The following NALF1 variants were observed in gnomAD, a reference collection of about 807,000 sequenced individuals.
NALF1 encodes family with sequence similarity 155 member A.
Under a neutral mutation model 48.4 loss-of-function variants are expected in NALF1, and 3 were observed. The observed-to-expected ratio is 0.06, with a 90% confidence interval of 0.03 to 0.16. The LOEUF is 0.16. Among genes scored for constraint, NALF1 ranks in the 10% least tolerant of loss-of-function variants. The probability of loss-of-function intolerance (pLI) is 1.00; values close to 1 mark genes in which losing one functional copy is unlikely to be tolerated. For missense variants in NALF1, 526 were observed against 571.5 expected (o/e 0.92, Z 0.81); for synonymous variants, 262 against 245.7 (o/e 1.07, Z -0.62).
At chr13:107,216,546 T>C (rs981940200) in intron 1 of NALF1, among the ~76,000 whole-genome samples, 1 of 152,172 alleles carries the variant, frequency 6.6e-6, no homozygotes, top group Non-Finnish European at 1.5e-5. Context: ...CCCCTTGCCT[T>C]CTAGGGCTTT....
intron 1 of NALF1, among the ~76,000 whole-genome samples, chr13:107,390,032 G>A (rs1026647189): frequency 6.6e-6 from 1 of 151,938 alleles, no homozygotes; most frequent in Non-Finnish European, 1.5e-5. Flanking sequence ...CAATTTCTAG[G>A]TGAAGTTAAT....
intron 1 of NALF1, among the ~76,000 whole-genome samples, chr13:107,389,848 T>C (rs1235435442): frequency 1.3e-5 from 2 of 152,168 alleles, no homozygotes; most frequent in Admixed American, 1.3e-4. Context: ...ATTTATAATA[T>C]ATACGTAATT....
chr13:107,185,258 G>T (rs896887101), intron 2 of NALF1, among the ~76,000 whole-genome samples: 1 of 152,084 alleles, frequency 6.6e-6, no homozygotes, highest in Non-Finnish European at 1.5e-5. Flanking sequence ...ATGTCTACTT[G>T]GTTAATCTAT....
intron 1 of NALF1, among the ~76,000 whole-genome samples, chr13:107,818,824 A>G: frequency 7.8e-6 from 1 of 128,580 alleles, no homozygotes; most frequent in Non-Finnish European, 1.6e-5. Flanking sequence ...GTGAGCCGAG[A>G]TCGCGCCACT....
chr13:107,525,069 C>A (rs552826624), intron 1 of NALF1, among the ~76,000 whole-genome samples: 6 of 152,008 alleles, frequency 3.9e-5, no homozygotes, highest in Non-Finnish European at 5.9e-5. Context: ...GTAGAAAATC[C>A]GGCAAATCTC....
intron 2 of NALF1, among the ~76,000 whole-genome samples, chr13:107,173,983 T>G (rs1030566794): frequency 4.6e-5 from 7 of 152,204 alleles, no homozygotes; most frequent in Non-Finnish European, 1.0e-4. Context: ...TTCACTGAAT[T>G]TTGCTTTTTT....
intron 1 of NALF1, among the ~76,000 whole-genome samples, chr13:107,576,513 T>G (rs142506501): frequency 4.6e-5 from 7 of 152,344 alleles, no homozygotes; most frequent in Non-Finnish European, 1.0e-4. Flanking sequence ...GAGTCCATTC[T>G]GTAGAGAAAA....
chr13:107,481,418 C>T (rs1010056750), intron 1 of NALF1, among the ~76,000 whole-genome samples: 7 of 152,180 alleles, frequency 4.6e-5, no homozygotes, highest in Non-Finnish European at 7.4e-5. Flanking sequence ...CCCTTTCAAA[C>T]TCAAATGAAA....
At chr13:107,861,645 G>A (rs1024097066) in intron 1 of NALF1, among the ~76,000 whole-genome samples, 12 of 152,118 alleles carry the variant, frequency 7.9e-5, no homozygotes, top group South Asian at 2.1e-4. Flanking sequence ...TTAGCTAGGC[G>A]TGGTGGCGCG....
intron 1 of NALF1, among the ~76,000 whole-genome samples, chr13:107,341,910 C>A (rs1055000673): frequency 6.7e-6 from 1 of 149,992 alleles, no homozygotes; most frequent in Non-Finnish European, 1.5e-5. Flanking sequence ...CACACACACA[C>A]TGATGCATAT....
rs942729245 is a variant in NALF1 at position 107,866,064 on chromosome 13, G to A, written c.533C>T (p.Ser178Leu). The stretch of plus-strand genomic sequence containing the variant: ...ATTCTCCACCGTGAAGCACTGGCCC[G>A]AGGACGCGCCCTGGGGGTAACAAGT... The part of the protein sequence containing the change: ...LETCYPQGAS[S>L]GQCFTVENAD... Residue 178 changes from serine (S) to leucine (L), a missense_variant, in exon 1 of 3, where the codon TCG becomes TTG. This residue lies in a region of NALF1 where 373 missense variants were observed against 355.5 expected (regional missense o/e 1.05). Coordinates refer to ENST00000375915, the MANE Select transcript of NALF1 (RefSeq NM_001080396.3). This position sits in a 1 kb window ranked among gnomAD's most constrained non-coding sequence, Gnocchi z 4.4. The A allele has an allele frequency of 1.5e-5, 24 of 1,612,680 alleles. No individual in the cohort carries two copies. The highest frequency in any genetic ancestry group is 2.0e-5 in the Non-Finnish European group (24 of 1,179,958).
rs1273061790 is a variant in NALF1, at chr13:107,867,244, C to T, written c.-648G>A. ...CGCTGGCTCTCCCAGAGTCCGGAGC[C>T]TGGGCTGCCTCCGGCGGGGCGCTCC... On this transcript the variant is annotated 5_prime_UTR_variant, in exon 1 of 3. Coordinates refer to ENST00000375915, the MANE Select transcript of NALF1 (RefSeq NM_001080396.3). This position sits in a 1 kb window ranked among gnomAD's most constrained non-coding sequence, Gnocchi z 4.4. 1.3e-5 allele frequency among the ~76,000 whole-genome samples: 2 copies of T among 150,956 alleles called. No homozygotes were observed. The highest frequency in any genetic ancestry group is 3.0e-5 in the Non-Finnish European group (2 of 67,542).
chr13:107,384,682 G>C (rs540419735), intron 1 of NALF1, among the ~76,000 whole-genome samples: 1 of 152,030 alleles, frequency 6.6e-6, no homozygotes, highest in Non-Finnish European at 1.5e-5. Flanking sequence ...GCCTTATATT[G>C]ATTTTTAAAT....
At chr13:107,479,335 T>C (rs1191945642) in intron 1 of NALF1, among the ~76,000 whole-genome samples, 1 of 152,202 alleles carries the variant, frequency 6.6e-6, no homozygotes, top group Non-Finnish European at 1.5e-5. Context: ...ATGATCATTT[T>C]GCTCCATAGT....
At chr13:107,300,827 G>A (rs189595446) in intron 1 of NALF1, among the ~76,000 whole-genome samples, 39 of 152,256 alleles carry the variant, frequency 2.6e-4, no homozygotes, top group East Asian at 1.9e-3. Context: ...TTAGCTAAAC[G>A]AGAGGAACAG....
intron 1 of NALF1, among the ~76,000 whole-genome samples, chr13:107,230,736 C>T (rs1025933943): frequency 6.6e-5 from 10 of 151,950 alleles, no homozygotes; most frequent in Admixed American, 1.3e-4. Flanking sequence ...ATAACACGAA[C>T]GACTGGGGAC....
chr13:107,746,783 A>G (rs1441816263), intron 1 of NALF1, among the ~76,000 whole-genome samples: 2 of 152,198 alleles, frequency 1.3e-5, no homozygotes, highest in Non-Finnish European at 2.9e-5. Context: ...TTCCAAGATC[A>G]TATAACAGAG....
chr13:107,241,658 C>A (rs77420142), intron 1 of NALF1, among the ~76,000 whole-genome samples: 2,333 of 152,292 alleles, frequency 0.015, 58 homozygotes, highest in African/African-American at 0.053. Context: ...GTCTGGCGTA[C>A]ACTGGGTGTC....
chr13:107,469,728 T>G (rs1174226151), intron 1 of NALF1, among the ~76,000 whole-genome samples: 6 of 141,034 alleles, frequency 4.3e-5, no homozygotes, highest in African/African-American at 1.6e-4. Flanking sequence ...GAGTCAACTG[T>G]GTATCTTTTT....
Sources: allele counts gnomAD v4.1 joint callset (sites outside exome capture counted in the v4.1 genomes callset), GRCh38; gene constraint gnomAD v4.1.1; regional missense constraint gnomAD v4.1.1; non-coding constraint Gnocchi (gnomAD v3.1); transcripts MANE v1.5; gene names NCBI Gene and HGNC (gene_info 2026-07-23, HGNC 2026-07-21).